AKAP11: variants seen among roughly 807,000 people sequenced by gnomAD.
AKAP11 encodes the protein A-kinase anchor protein 11.
In AKAP11, 36 loss-of-function variants were observed where a neutral mutation model predicts 146.1. The observed-to-expected ratio is 0.25, with a 90% confidence interval of 0.19 to 0.33. AKAP11 has a LOEUF of 0.33. Ranked by LOEUF, AKAP11 falls within the 10% of genes least tolerant of loss-of-function variation. The probability of loss-of-function intolerance (pLI) is 1.00; values close to 1 mark genes in which losing one functional copy is unlikely to be tolerated. For synonymous variants in AKAP11, 780 were observed against 786.5 expected (o/e 0.99, Z 0.14); for missense variants, 2,201 against 2,197.0 (o/e 1.00, Z -0.04).
At chr13:42,296,816 T>C (rs1023744508) in intron 5 of AKAP11, among the ~76,000 whole-genome samples, 5 of 152,042 alleles carry the variant, frequency 3.3e-5, no homozygotes, top group African/African-American at 9.6e-5. Context: ...TAGCTTGATA[T>C]CAGTACATTT....
At chr13:42,295,532 C>G (rs941715982) in intron 4 of AKAP11, among the ~76,000 whole-genome samples, 163 bp from the exon 5 acceptor site, 12 of 151,850 alleles carry the variant, frequency 7.9e-5, no homozygotes, top group African/African-American at 2.9e-4. Flanking sequence ...TTTTGGAGCC[C>G]AATCTTTGGT....
chr13:42,274,467 T>G (rs938133549), intron 1 of AKAP11, among the ~76,000 whole-genome samples: 3 of 152,154 alleles, frequency 2.0e-5, no homozygotes, highest in African/African-American at 7.2e-5. Context: ...GTGGATCACT[T>G]GAGACCAGGA....
At chr13:42,288,291 T>A (rs918876322) in intron 3 of AKAP11, among the ~76,000 whole-genome samples, 1 of 152,306 alleles carries the variant, frequency 6.6e-6, no homozygotes, top group South Asian at 2.1e-4. Context: ...TTCTAACATT[T>A]TATTATGAAA....
intron 1 of AKAP11, among the ~76,000 whole-genome samples, chr13:42,283,057 A>G (rs1959096982): frequency 1.3e-5 from 2 of 152,342 alleles, no homozygotes; most frequent in Middle Eastern, 3.4e-3. Context: ...CTGCTCTAGT[A>G]GCTGTTATCC....
chr13:42,310,178 G>T (rs996775015), intron 9 of AKAP11, among the ~76,000 whole-genome samples: 4 of 152,122 alleles, frequency 2.6e-5, no homozygotes, highest in African/African-American at 9.7e-5. Context: ...AACTTAAGTG[G>T]GGAGCAAACC....
intron 11 of AKAP11, among the ~76,000 whole-genome samples, chr13:42,315,888 T>C (rs1332817986): frequency 6.6e-6 from 1 of 152,190 alleles, no homozygotes. Context: ...AGTTGCAGGA[T>C]GTCAGTCCCT....
rs147581928 is a variant in AKAP11, at chr13:42,302,416, C to A, written c.3670C>A (p.Gln1224Lys). 11 of 1,614,106 alleles carry A rather than the reference C, an allele frequency of 6.8e-6. No homozygotes were observed. The African/African-American group carries it at 1.3e-4, about 20-fold the overall frequency. Residue 1224 changes from glutamine to lysine, a missense_variant, in exon 8 of 13, where the codon CAA (glutamine) becomes AAA (lysine). Around this residue, in one of 3 missense-constraint regions of AKAP11, gnomAD observed 1,867 missense variants for 1,833.5 expected, o/e 1.02. Coordinates refer to ENST00000025301, the MANE Select transcript of AKAP11 (RefSeq NM_016248.4). ...TTCCCATTTAGATAACAAAATAATT[C>A]AAGAACCCAAGGTTAAAAACCCTTG... ...AASHLDNKII[Q>K]EPKVKNPCLN...
intron 1 of AKAP11, among the ~76,000 whole-genome samples, chr13:42,279,668 A>G (rs954490812): frequency 5.9e-5 from 9 of 151,800 alleles, no homozygotes; most frequent in African/African-American, 2.2e-4. Context: ...CATCACTGTC[A>G]TTTCTAGGTC....
In AKAP11 at chr13:42,313,072, A is replaced by T; in HGVS notation, c.5299A>T (p.Ser1767Cys). 1.2e-6 allele frequency: 2 copies of T among 1,613,492 alleles called. No homozygotes were observed. The highest frequency in any genetic ancestry group is 1.7e-6 in the Non-Finnish European group (2 of 1,179,782). ...ESNGNSSSWSSLGLEGDLYED... is the reference protein window; with the variant it reads ...ESNGNSSSWSCLGLEGDLYED... ...TAATGGTAACAGCAGTAGCTGGAGC[A>T]GTCTTGGTTTAGAAGGAGATTTGTA... Residue 1767 changes from serine (S) to cysteine (C), a missense_variant, in exon 10 of 13, where the codon AGT becomes TGT. This residue lies in a region of AKAP11 where 1,867 missense variants were observed against 1,833.5 expected (regional missense o/e 1.02). Transcript: ENST00000025301.
chr13:42,291,976 G>A (rs527509740), intron 3 of AKAP11, among the ~76,000 whole-genome samples: 1 of 152,224 alleles, frequency 6.6e-6, no homozygotes, highest in East Asian at 1.9e-4. Flanking sequence ...GTTGTTAAGG[G>A]AGTAATCACT....
At chr13:42,292,826 A>T (rs187165953) in intron 4 of AKAP11, among the ~76,000 whole-genome samples, 1 of 152,212 alleles carries the variant, frequency 6.6e-6, no homozygotes, top group African/African-American at 2.4e-5. Flanking sequence ...GAATTTTTCT[A>T]CTCTGAAACA....
At position 42,319,741 on chromosome 13, in the gene AKAP11, A is replaced by G. The variant is rs563869570; in HGVS notation, c.*513A>G. ...GTTTTTAAAAATCAGTTTCATTTTCATATTTCATAGATCAGCTATTGGTAG... is the reference window on the plus strand; with the variant it reads ...GTTTTTAAAAATCAGTTTCATTTTCGTATTTCATAGATCAGCTATTGGTAG... On this transcript the variant is annotated 3_prime_UTR_variant, in exon 13 of 13. Coordinates refer to ENST00000025301, the MANE Select transcript of AKAP11 (RefSeq NM_016248.4). The G allele has an allele frequency of 6.6e-6, 1 of 152,332 alleles. No homozygotes were observed. Among genetic ancestry groups the G allele is most frequent in the African/African-American group, 2.4e-5 (1 of 41,400 alleles). 9.4% of individuals were successfully genotyped at this position (152,332 alleles called of 1,614,324 possible).
intron 2 of AKAP11, 132 bp from the exon 3 acceptor site, chr13:42,286,168 G>T (rs1959164643): frequency 4.9e-6 from 2 of 405,644 alleles, no homozygotes; most frequent in South Asian, 6.4e-5. Context: ...ATTGGGGGGG[G>T]TGCTCAGATT....
intron 3 of AKAP11, among the ~76,000 whole-genome samples, chr13:42,286,998 T>C (rs1326998022): frequency 6.6e-6 from 1 of 152,250 alleles, no homozygotes; most frequent in Non-Finnish European, 1.5e-5. Context: ...GGACTTCATC[T>C]TCTGCATTAT....
In AKAP11 at chr13:42,299,378, T is replaced by C. The variant is rs1389152119; in HGVS notation, c.632T>C (p.Val211Ala). The change falls in exon 8 of 13, where the codon GTG becomes GCG. Residue 211 changes from valine (V) to alanine (A), a missense_variant. Physicochemically the swap from Val to Ala is moderately conservative, Grantham distance 64 (BLOSUM62 0). Coordinates refer to ENST00000025301, the MANE Select transcript of AKAP11 (RefSeq NM_016248.4). ...KPYNDGMNITVLRSQCDAASQ... is the reference protein window; with the variant it reads ...KPYNDGMNITALRSQCDAASQ... ...TTTCCTATAGGAATGAACATTACTG[T>C]GCTAAGGAGCCAGTGTGATGCTGCT... 1 of 1,612,908 alleles carries C rather than the reference T, an allele frequency of 6.2e-7. No homozygotes were observed. The highest frequency in any genetic ancestry group is 1.7e-5 in the Admixed American group (1 of 59,826).
rs968847383 is a variant in AKAP11, at chr13:42,314,044, A to G, written c.5404+104A>G. The G allele has an allele frequency of 5.4e-6, 6 of 1,118,924 alleles. No individual in the cohort carries two copies. In the Admixed American group the frequency reaches 8.9e-5, roughly 17 times the overall value. The allele number at this position is 1,118,924 out of a possible 1,614,324, so 69.3% of individuals were successfully genotyped here. A position where few individuals can be genotyped will look rare whatever the true frequency, so the allele number is the denominator to read the frequency against. On this transcript the variant is annotated intron_variant, in intron 11 of 12. Coordinates refer to ENST00000025301, the MANE Select transcript of AKAP11 (RefSeq NM_016248.4). ...AGATAGGCTCTAGGTTATCAGTGTAAAACATTATAAATCAGGGTATTCTTG... is the reference window on the plus strand; with the variant it reads ...AGATAGGCTCTAGGTTATCAGTGTAGAACATTATAAATCAGGGTATTCTTG...
At chr13:42,310,034 A>T (rs1437112958) in intron 9 of AKAP11, among the ~76,000 whole-genome samples, 1 of 152,210 alleles carries the variant, frequency 6.6e-6, no homozygotes, top group African/African-American at 2.4e-5. Flanking sequence ...TTTGTGGATG[A>T]TTCAACACAG....
chr13:42,319,142 G>A lies in AKAP11; in HGVS notation c.5620G>A (p.Val1874Met). 6.2e-7 allele frequency: 1 copy of A among 1,614,058 alleles called. No homozygotes were observed. Among genetic ancestry groups the A allele is most frequent in the Non-Finnish European group, 8.5e-7 (1 of 1,179,956 alleles). Residue 1874 changes from valine (V) to methionine (M), a missense_variant, in exon 13 of 13, where the codon GTG becomes ATG. Around this residue, in one of 3 missense-constraint regions of AKAP11, gnomAD observed 1,867 missense variants for 1,833.5 expected, o/e 1.02. Transcript: ENST00000025301. ...GWKVGDLLQA[V>M]LQYYEVMEKA... Reference sequence around the variant, plus strand: ...GAAAGTGGGAGACCTCCTGCAGGCTGTGCTTCAATACTATGAAGTGATGGA... The same window carrying A: ...GAAAGTGGGAGACCTCCTGCAGGCTATGCTTCAATACTATGAAGTGATGGA...
At chr13:42,282,236 TG>T (rs1326323618) in intron 1 of AKAP11, among the ~76,000 whole-genome samples, 3 of 151,212 alleles carry the variant, frequency 2.0e-5, no homozygotes, top group African/African-American at 7.3e-5. Context: ...CCCAAAGTGC[TG>T]GGAGCCACTG....
Sources: allele counts gnomAD v4.1 joint callset (sites outside exome capture counted in the v4.1 genomes callset), GRCh38; gene constraint gnomAD v4.1.1; regional missense constraint gnomAD v4.1.1; transcripts MANE v1.5; gene names NCBI Gene and HGNC (gene_info 2026-07-23, HGNC 2026-07-21).